ABLIM2: variants seen among roughly 807,000 people sequenced by gnomAD.
The protein encoded by ABLIM2 is actin-binding LIM protein 2.
In ABLIM2, 53 loss-of-function variants were observed where a neutral mutation model predicts 97.7. That is an observed-to-expected ratio of 0.54 (90% CI 0.44 to 0.68). ABLIM2 has a LOEUF of 0.68. Among genes scored for constraint, ABLIM2 ranks in the 30% least tolerant of loss-of-function variants. ABLIM2 has a pLI of 0.00. For synonymous variants in ABLIM2, 361 were observed against 345.8 expected, an observed-to-expected ratio of 1.04 and a Z score of -0.49; for missense variants, 835 against 867.2, an observed-to-expected ratio of 0.96 and a Z score of 0.47.
intron 6 of ABLIM2, among the ~76,000 whole-genome samples, chr4:8,070,723 AAC>A (rs1459919958): frequency 1.3e-5 from 2 of 152,108 alleles, no homozygotes; most frequent in African/African-American, 4.8e-5. Flanking sequence ...CCCAGGGTGG[AAC>A]ACACAGTGAG....
intron 19 of ABLIM2, 84 bp downstream of exon 19, chr4:7,983,463 A>T: frequency 1.3e-6 from 2 of 1,593,514 alleles, no homozygotes; most frequent in Non-Finnish European, 1.7e-6. Context: ...CACACATTTC[A>T]TAGGTAAAGC....
Position 8,127,431 on chromosome 4 carries a change from C to A in ABLIM2, c.11-20794G>T. 1 of 1,223,762 alleles carries A rather than the reference C, an allele frequency of 8.2e-7. No homozygotes were observed. The allele number at this position is 1,223,762 out of a possible 1,614,324, so 75.8% of individuals were successfully genotyped here. ...ACTTGACTGGACCCGTCCTTTCCCA[C>A]CAGACCCCTGAAGCTGATTCATGGA... is the stretch of plus-strand genomic sequence containing the variant. On this transcript the variant is annotated intron_variant, in intron 1 of 20. Transcript: ENST00000447017. This position sits in a 1 kb window ranked among gnomAD's most constrained non-coding sequence, Gnocchi z 7.3.
intron 9 of ABLIM2, among the ~76,000 whole-genome samples, chr4:8,039,033 C>A (rs1304652267): frequency 6.6e-6 from 1 of 152,114 alleles, no homozygotes; most frequent in African/African-American, 2.4e-5. Context: ...CTTCCTTCCC[C>A]ACACCCCCGC....
intron 1 of ABLIM2, among the ~76,000 whole-genome samples, chr4:8,118,458 G>A (rs867872589): frequency 6.6e-6 from 1 of 152,318 alleles, no homozygotes; most frequent in African/African-American, 2.4e-5. Context: ...CGAGGGGGCC[G>A]TCAGCATGAT....
rs986931100 is a variant in ABLIM2, at chr4:8,149,779, T to A, written c.10+8901A>T. On this transcript the variant is annotated intron_variant, in intron 1 of 20. Transcript: ENST00000447017. This position sits in a 1 kb window ranked among gnomAD's most constrained non-coding sequence, Gnocchi z 6.4. ...GCTGGACACAGAGAAGGCCCGGACCTAGGCTGAGACTTCCCCAGCACCTCA... is the reference window on the plus strand; with the variant it reads ...GCTGGACACAGAGAAGGCCCGGACCAAGGCTGAGACTTCCCCAGCACCTCA... Among the ~76,000 whole-genome samples the A allele has an allele frequency of 2.6e-5, 4 of 151,968 alleles. No homozygotes were observed. The highest frequency in any genetic ancestry group is 2.0e-4 in the Admixed American group (3 of 15,266).
In ABLIM2 at chr4:7,996,159, C is replaced by T. The variant is rs1451586843; in HGVS notation, c.1619-3232G>A. ...AAACTGGCATCCCCAGCTAGCAGCC[C>T]CAACCTTGCCAGGGAACTCGTCAGA... On this transcript the variant is annotated intron_variant, in intron 16 of 20. Coordinates refer to ENST00000447017, the MANE Select transcript of ABLIM2 (RefSeq NM_001130083.2). The surrounding 1 kb of genome is among the most constrained non-coding windows in gnomAD (Gnocchi z 4.5). 1.3e-5 allele frequency among the ~76,000 whole-genome samples: 2 copies of T among 152,190 alleles called. No homozygotes were observed. Among genetic ancestry groups the T allele is most frequent in the South Asian group, 2.1e-4 (1 of 4,830 alleles).
rs775479998 is a variant in ABLIM2 at position 8,021,892 on chromosome 4, C to G, written c.1268-1589G>C. 6.6e-6 allele frequency among the ~76,000 whole-genome samples: 1 copy of G among 152,220 alleles called. No individual in the cohort carries two copies. The highest frequency in any genetic ancestry group is 1.5e-5 in the Non-Finnish European group (1 of 68,036). On this transcript the variant is annotated intron_variant, in intron 12 of 20. Transcript: ENST00000447017. This position sits in a 1 kb window ranked among gnomAD's most constrained non-coding sequence, Gnocchi z 5.5. ...AACCTCCCTCCAGAACAGCATGGAA[C>G]CTTCTAGAGCCTCAGTTGGCTCTAC...
rs189365577 is a variant in ABLIM2, at chr4:8,060,337, C to T, written c.763+630G>A. 5.9e-5 allele frequency among the ~76,000 whole-genome samples: 9 copies of T among 152,312 alleles called. 1 individual carries two copies. The highest frequency in any genetic ancestry group is 1.2e-4 in the Non-Finnish European group (8 of 68,030). On this transcript the variant is annotated intron_variant, in intron 7 of 20. Coordinates refer to ENST00000447017, the MANE Select transcript of ABLIM2 (RefSeq NM_001130083.2). ...AGGTCTGGCAGCCCACAGGACGCCC[C>T]GCCTTTGTGATGACACTTATTTTTA...
intron 1 of ABLIM2, among the ~76,000 whole-genome samples, chr4:8,137,476 C>T (rs923857839): frequency 2.6e-5 from 4 of 151,946 alleles, no homozygotes; most frequent in East Asian, 1.9e-4. Context: ...GGCAGGGGAG[C>T]GGGGGCGTCC....
chr4:8,091,831 A>ATATAATATATTATATAATATATATTATAT (rs1340477145), intron 3 of ABLIM2, among the ~76,000 whole-genome samples: 2 of 96,828 alleles, frequency 2.1e-5, no homozygotes, highest in Non-Finnish European at 3.8e-5. Context: ...ATATTATATA[A>ATATAATATATTATATAATATATATTATAT]ATAATATAAT....
chr4:8,038,786 G>A (rs78821260), intron 9 of ABLIM2, among the ~76,000 whole-genome samples: 170 of 152,312 alleles, frequency 1.1e-3, no homozygotes, highest in Non-Finnish European at 2.1e-3. Flanking sequence ...GTAATCATGA[G>A]ATCTGATCCT....
At position 8,054,353 on chromosome 4, in the gene ABLIM2, C is replaced by A; in HGVS notation, c.764-107G>T. On this transcript the variant is annotated intron_variant, in intron 7 of 20. Coordinates refer to ENST00000447017, the MANE Select transcript of ABLIM2 (RefSeq NM_001130083.2). This position sits in a 1 kb window ranked among gnomAD's most constrained non-coding sequence, Gnocchi z 4.9. Reference sequence around the variant, plus strand: ...GCTGGTCCATGCACAGACGTGCACTCGGACTCCACCCTCCAAGCGGCCCTG... The same window carrying A: ...GCTGGTCCATGCACAGACGTGCACTAGGACTCCACCCTCCAAGCGGCCCTG... The A allele has an allele frequency of 8.5e-7, 1 of 1,179,350 alleles. No individual in the cohort carries two copies. Among genetic ancestry groups the A allele is most frequent in the Non-Finnish European group, 1.2e-6 (1 of 808,082 alleles). 73.1% of individuals were successfully genotyped at this position (1,179,350 alleles called of 1,614,324 possible). A position where few individuals can be genotyped will look rare whatever the true frequency, so the allele number is the denominator to read the frequency against.
In ABLIM2 at chr4:8,140,390, T is replaced by C. The variant is rs539054064; in HGVS notation, c.10+18290A>G. 6.6e-6 allele frequency among the ~76,000 whole-genome samples: 1 copy of C among 152,112 alleles called. No homozygotes were observed. The highest frequency in any genetic ancestry group is 2.1e-4 in the South Asian group (1 of 4,806). ...TACACGGCAGCTAAGGAATCAGCCA[T>C]GGCAGGGGATTTCATGCCAGGCAGG... On this transcript the variant is annotated intron_variant, in intron 1 of 20. Transcript: ENST00000447017. The surrounding 1 kb of genome is among the most constrained non-coding windows in gnomAD (Gnocchi z 5.9).
At chr4:8,144,435 T>C (rs1194207769) in intron 1 of ABLIM2, among the ~76,000 whole-genome samples, 1 of 151,990 alleles carries the variant, frequency 6.6e-6, no homozygotes, top group Non-Finnish European at 1.5e-5. Flanking sequence ...AGGCAAGGCG[T>C]GGAGGAGAAT....
Position 8,033,850 on chromosome 4 carries a change from A to G in ABLIM2, c.1047+2299T>C, listed in dbSNP as rs1049522588. Among the ~76,000 whole-genome samples the G allele has an allele frequency of 6.6e-6, 1 of 152,198 alleles. No individual in the cohort carries two copies. Among genetic ancestry groups the G allele is most frequent in the Non-Finnish European group, 1.5e-5 (1 of 68,022 alleles). ...CTGGAAGCTGTGTCCTGGTCATACC[A>G]TGAGACCCTGGAGCAGGACAGGGAG... On this transcript the variant is annotated intron_variant, in intron 10 of 20. Coordinates refer to ENST00000447017, the MANE Select transcript of ABLIM2 (RefSeq NM_001130083.2). This position sits in a 1 kb window ranked among gnomAD's most constrained non-coding sequence, Gnocchi z 4.5.
intron 1 of ABLIM2, among the ~76,000 whole-genome samples, chr4:8,135,007 C>A (rs1533505): frequency 6.6e-6 from 1 of 152,202 alleles, no homozygotes; most frequent in African/African-American, 2.4e-5. Context: ...AAGGACCCAG[C>A]GTCACCGAGG....
chr4:8,034,146 C>T (rs1429649410), intron 10 of ABLIM2, among the ~76,000 whole-genome samples: 3 of 152,134 alleles, frequency 2.0e-5, no homozygotes, highest in Admixed American at 6.5e-5. Context: ...GCCCTGTGGC[C>T]GAGACGCGAG....
At position 8,009,211 on chromosome 4, in the gene ABLIM2, A is replaced by G; in HGVS notation, c.1424-109T>C. 2.9e-6 allele frequency: 4 copies of G among 1,384,392 alleles called. No individual in the cohort carries two copies. In the Admixed American group the frequency reaches 6.8e-5, roughly 24 times the overall value. The allele number at this position is 1,384,392 out of a possible 1,614,324, so 85.8% of individuals were successfully genotyped here. ...CTCAAAAATGAAAAATCAATCAAAG[A>G]GAAGGTCAGTAGTACGAGTGCCTTT... is the stretch of plus-strand genomic sequence containing the variant. On this transcript the variant is annotated intron_variant, in intron 14 of 20. Transcript: ENST00000447017.
rs531672496 is a variant in ABLIM2 at position 8,032,540 on chromosome 4, G to A, written c.1048-2764C>T. 2 of 1,443,714 alleles carry A rather than the reference G, an allele frequency of 1.4e-6. No homozygotes were observed. Among genetic ancestry groups the A allele is most frequent in the African/African-American group, 2.8e-5 (2 of 71,540 alleles). The allele number at this position is 1,443,714 out of a possible 1,614,324, so 89.4% of individuals were successfully genotyped here. On this transcript the variant is annotated intron_variant, in intron 10 of 20. Coordinates refer to ENST00000447017, the MANE Select transcript of ABLIM2 (RefSeq NM_001130083.2). This position sits in a 1 kb window ranked among gnomAD's most constrained non-coding sequence, Gnocchi z 4.3. ...GGGCCGTGGCCCCGGGCCCCATGGT[G>A]AAGAGCCACCGAGGAGGCCCTTCCC... is the stretch of plus-strand genomic sequence containing the variant.
Sources: allele counts gnomAD v4.1 joint callset (sites outside exome capture counted in the v4.1 genomes callset), GRCh38; gene constraint gnomAD v4.1.1; non-coding constraint Gnocchi (gnomAD v3.1); transcripts MANE v1.5; gene names NCBI Gene and HGNC (gene_info 2026-07-23, HGNC 2026-07-21).